The following PACS2 variants were observed in gnomAD, a reference collection of about 807,000 sequenced individuals.
PACS2 encodes PACS1-like protein.
PACS2 carries 36 observed loss-of-function variants against 113.0 expected under a neutral mutation model. The observed-to-expected ratio is 0.32, with a 90% CI of 0.24 to 0.42. PACS2 has a LOEUF of 0.42. Ranked by LOEUF, PACS2 falls within the 10% of genes least tolerant of loss-of-function variation. The probability of loss-of-function intolerance (pLI) is 1.00; values close to 1 mark genes in which losing one functional copy is unlikely to be tolerated. For synonymous variants in PACS2, 589 were observed against 536.1 expected (o/e 1.10, Z -1.36); for missense variants, 1,015 against 1,239.5 (o/e 0.82, Z 2.72).
At chr14:105,342,930 C>G in intron 1 of PACS2, among the ~76,000 whole-genome samples, 1 of 126,066 alleles carries the variant, frequency 7.9e-6, no homozygotes, top group Non-Finnish European at 1.6e-5. Flanking sequence ...AGGACTCTGT[C>G]TTAAAAAAAA....
At chr14:105,392,933 C>A (rs2141317540) in intron 23 of PACS2, 88 bp downstream of exon 23, 4 of 1,086,638 alleles carry the variant, frequency 3.7e-6, no homozygotes, top group Admixed American at 1.9e-5. Context: ...GATGACAGCC[C>A]CCGGGCTGGC....
intron 20 of PACS2, 69 bp downstream of exon 20, chr14:105,390,072 GT>G: frequency 7.4e-7 from 1 of 1,342,330 alleles, no homozygotes; most frequent in Non-Finnish European, 1.1e-6. Flanking sequence ...CAGTCAGAAC[GT>G]TTGGGGATTG....
chr14:105,316,889 T>C (rs2058675984), intron 1 of PACS2, among the ~76,000 whole-genome samples: 1 of 151,696 alleles, frequency 6.6e-6, no homozygotes, highest in Non-Finnish European at 1.5e-5. Flanking sequence ...GAGGAGTTAA[T>C]GGGCGGAGGG....
chr14:105,353,581 T>C (rs2060318932), intron 3 of PACS2, among the ~76,000 whole-genome samples: 1 of 151,402 alleles, frequency 6.6e-6, no homozygotes. Flanking sequence ...GTTGAGTTTT[T>C]CTTTGTTTTT....
At chr14:105,387,201 G>A (rs2081205663) in intron 19 of PACS2, among the ~76,000 whole-genome samples, 1 of 152,234 alleles carries the variant, frequency 6.6e-6, no homozygotes, top group African/African-American at 2.4e-5. Context: ...GGCTGAGAGA[G>A]TGCAGGCGGT....
chr14:105,370,114 C>T (rs1489979877), intron 8 of PACS2: 10 of 509,740 alleles, frequency 2.0e-5, no homozygotes, highest in South Asian at 1.1e-4. Context: ...AAGTAGAAGT[C>T]GTGAATACCC....
At chr14:105,390,881 C>G (rs2069803965) in intron 20 of PACS2, 1 of 413,086 alleles carries the variant, frequency 2.4e-6, no homozygotes, top group Admixed American at 4.0e-5. Flanking sequence ...CGGGGCCTAT[C>G]CCCGTCGGCC....
rs1457093268 is a variant in PACS2, at chr14:105,397,025, A to G, written c.*2353A>G. 3 of 152,214 alleles carry G rather than the reference A, an allele frequency of 2.0e-5. No individual in the cohort carries two copies. Among genetic ancestry groups the G allele is most frequent in the Admixed American group, 6.5e-5 (1 of 15,284 alleles). 9.4% of individuals were successfully genotyped at this position (152,214 alleles called of 1,614,324 possible). A position where few individuals can be genotyped will look rare whatever the true frequency, so the allele number is the denominator to read the frequency against. On this transcript the variant is annotated 3_prime_UTR_variant, in exon 25 of 25. Transcript: ENST00000447393. Reference sequence around the variant, plus strand: ...ATCCTTAGCCACGCAAGGGGAGAACATGGGCAGAGTCTCCATCCAGCAGCT... The same window carrying G: ...ATCCTTAGCCACGCAAGGGGAGAACGTGGGCAGAGTCTCCATCCAGCAGCT...
chr14:105,361,395 G>A (rs1481979795), intron 4 of PACS2, among the ~76,000 whole-genome samples: 1 of 152,244 alleles, frequency 6.6e-6, no homozygotes, highest in Non-Finnish European at 1.5e-5. Flanking sequence ...CCAGCACTTT[G>A]GCAGGCCAGG....
intron 19 of PACS2, among the ~76,000 whole-genome samples, chr14:105,387,793 G>C (rs587736927): frequency 4.7e-4 from 71 of 152,342 alleles, no homozygotes; most frequent in Non-Finnish European, 8.8e-4. Flanking sequence ...CGGTGGGGGG[G>C]TCTGGCTCGG....
intron 1 of PACS2, among the ~76,000 whole-genome samples, chr14:105,338,271 G>A (rs781938090): frequency 6.6e-6 from 1 of 152,178 alleles, no homozygotes; most frequent in Non-Finnish European, 1.5e-5. Flanking sequence ...TGCCATGCAG[G>A]GCACGCACGT....
chr14:105,362,382 A>C (rs753260013), intron 4 of PACS2, among the ~76,000 whole-genome samples: 16 of 148,732 alleles, frequency 1.1e-4, no homozygotes, highest in African/African-American at 3.0e-4. Flanking sequence ...GCGCCACTGC[A>C]CTCCAGCCTG....
At chr14:105,350,996 C>T (rs1014583603) in intron 2 of PACS2, among the ~76,000 whole-genome samples, 24 of 152,236 alleles carry the variant, frequency 1.6e-4, no homozygotes, top group African/African-American at 4.8e-4. Context: ...AGCCCGAGTA[C>T]GGCCATGCGG....
chr14:105,362,805 C>T (rs758052185), intron 4 of PACS2, among the ~76,000 whole-genome samples: 4 of 152,074 alleles, frequency 2.6e-5, no homozygotes, highest in South Asian at 4.2e-4. Flanking sequence ...GAGCCAAGAT[C>T]GCGTCATTGC....
At chr14:105,391,005 C>T in intron 20 of PACS2, 1 of 606,782 alleles carries the variant, frequency 1.6e-6, no homozygotes, top group Non-Finnish European at 2.9e-6. Flanking sequence ...GCACCCTGAG[C>T]ACTGTCTGTC....
chr14:105,326,182 C>T (rs1240902379), intron 1 of PACS2, among the ~76,000 whole-genome samples: 4 of 152,218 alleles, frequency 2.6e-5, no homozygotes, highest in Admixed American at 1.3e-4. Context: ...TCGAGACCAG[C>T]GCCCGCCTCC....
chr14:105,384,858 C>A (rs2081119696), intron 17 of PACS2, 21 bp from the exon 18 acceptor site: 4 of 1,484,880 alleles, frequency 2.7e-6, no homozygotes, highest in Non-Finnish European at 3.7e-6. Context: ...CCTAACCCCC[C>A]ACCGCCTCCT....
In PACS2 at chr14:105,357,060, C is replaced by A. The variant is rs1347882516; in HGVS notation, c.423+1883C>A. Among the ~76,000 whole-genome samples the A allele has an allele frequency of 6.6e-6, 1 of 152,184 alleles. No homozygotes were observed. Among genetic ancestry groups the A allele is most frequent in the Non-Finnish European group, 1.5e-5 (1 of 68,024 alleles). Reference sequence around the variant, plus strand: ...TGATCCCTGCCGGTCCCTGTGAGCTCCTGCCCCAGGCTGCTCCGCCCACAT... The same window carrying A: ...TGATCCCTGCCGGTCCCTGTGAGCTACTGCCCCAGGCTGCTCCGCCCACAT... On this transcript the variant is annotated intron_variant, in intron 4 of 24. Coordinates refer to ENST00000447393, the MANE Select transcript of PACS2 (RefSeq NM_001100913.3). The surrounding 1 kb of genome is among the most constrained non-coding windows in gnomAD (Gnocchi z 5.1).
intron 1 of PACS2, among the ~76,000 whole-genome samples, chr14:105,336,815 G>A (rs1454885527): frequency 6.6e-6 from 1 of 152,206 alleles, no homozygotes; most frequent in Non-Finnish European, 1.5e-5. Context: ...GGAACAGGAC[G>A]GCAGCCCCTC....
Sources: allele counts gnomAD v4.1 joint callset (sites outside exome capture counted in the v4.1 genomes callset), GRCh38; gene constraint gnomAD v4.1.1; non-coding constraint Gnocchi (gnomAD v3.1); transcripts MANE v1.5; gene names NCBI Gene and HGNC (gene_info 2026-07-23, HGNC 2026-07-21).